Variants in DNAI7 observed in about 807,000 individuals in gnomAD.
DNAI7 encodes cancer susceptibility 1.
Under a neutral mutation model 86.6 loss-of-function variants are expected in DNAI7, and 78 were observed. The observed-to-expected ratio is 0.90, with a 90% CI of 0.75 to 1.09. DNAI7 has a LOEUF of 1.09. Ranked by LOEUF, DNAI7 falls within the 50% of genes least tolerant of loss-of-function variation. The pLI is 0.00. For synonymous variants in DNAI7, 274 were observed against 273.0 expected (o/e 1.00, Z -0.04); for missense variants, 753 against 810.2 (o/e 0.93, Z 0.86).
chr12:25,113,231 T>C (rs10842469), intron 13 of DNAI7, among the ~76,000 whole-genome samples: 82,043 of 152,070 alleles, frequency 0.54, 24,356 homozygotes, highest in East Asian at 0.89. Context: ...TGCACACTAA[T>C]AATTCTACGG....
At chr12:25,191,980 A>C (rs949875022) in intron 1 of DNAI7, among the ~76,000 whole-genome samples, 1 of 152,242 alleles carries the variant, frequency 6.6e-6, no homozygotes, top group African/African-American at 2.4e-5. Flanking sequence ...AGTTCAACCC[A>C]TAAGATTATA....
intron 11 of DNAI7, among the ~76,000 whole-genome samples, chr12:25,119,964 CTT>C (rs1171869107): frequency 6.6e-6 from 1 of 152,070 alleles, no homozygotes; most frequent in Non-Finnish European, 1.5e-5. Context: ...AGGAAAGCCT[CTT>C]TGTTGCAGGA....
intron 9 of DNAI7, 76 bp from the exon 10 acceptor site, chr12:25,123,362 C>A: frequency 2.1e-6 from 2 of 947,366 alleles, no homozygotes; most frequent in Non-Finnish European, 3.1e-6. Context: ...TGTTCCAGTC[C>A]TCACTTCAGA....
At chr12:25,150,497 G>A (rs769339704) in intron 6 of DNAI7, among the ~76,000 whole-genome samples, 3 of 151,212 alleles carry the variant, frequency 2.0e-5, no homozygotes, top group African/African-American at 4.9e-5. Context: ...CCAGCAACTC[G>A]GGAGGCTGAG....
intron 2 of DNAI7, among the ~76,000 whole-genome samples, chr12:25,181,106 C>A (rs1448851471): frequency 6.6e-6 from 1 of 152,074 alleles, no homozygotes; most frequent in Non-Finnish European, 1.5e-5. Context: ...TCGTGCCCGG[C>A]CTATAATTTT....
At chr12:25,108,014 T>G, downstream of DNAI7, 1 of 1,614,026 alleles carries the variant, frequency 6.2e-7, no homozygotes, top group South Asian at 1.1e-5. Flanking sequence ...GAACATATCT[T>G]GTGGCCATTT....
At chr12:25,182,347 C>CAAAAAAA (rs1172587693) in intron 2 of DNAI7, among the ~76,000 whole-genome samples, 5 of 63,250 alleles carry the variant, frequency 7.9e-5, no homozygotes, top group Admixed American at 5.0e-4. Flanking sequence ...AACTTCATCT[C>CAAAAAAA]AAAAAAAAAA....
chr12:25,108,396 T>A lies in DNAI7; in HGVS notation c.*152A>T. ...TTCAAAGGAAAAAAAAATACTGTTT[T>A]TAAAATAAAACTTGAGTAGAAAATG... On this transcript the variant is annotated 3_prime_UTR_variant, in exon 16 of 16. Coordinates refer to ENST00000395987, the MANE Select transcript of DNAI7 (RefSeq NM_018272.5). The A allele has an allele frequency of 1.4e-6, 1 of 696,866 alleles. No individual in the cohort carries two copies. Among genetic ancestry groups the A allele is most frequent in the East Asian group, 2.9e-5 (1 of 34,428 alleles). The allele number at this position is 696,866 out of a possible 1,614,324, so 43.2% of individuals were successfully genotyped here.
chr12:25,141,091 C>T (rs111707975), intron 9 of DNAI7, among the ~76,000 whole-genome samples: 6,344 of 152,172 alleles, frequency 0.042, 442 homozygotes, highest in African/African-American at 0.14. Flanking sequence ...AAATCTAAGA[C>T]CTGAAACCAT....
chr12:25,182,347 C>CAAAAA (rs1172587693), intron 2 of DNAI7, among the ~76,000 whole-genome samples: 2 of 63,252 alleles, frequency 3.2e-5, no homozygotes, highest in Non-Finnish European at 7.2e-5. Flanking sequence ...AACTTCATCT[C>CAAAAA]AAAAAAAAAA....
chr12:25,110,264 ATT>A (rs1949704772), intron 14 of DNAI7, 24 bp from the exon 15 acceptor site: 7 of 1,356,400 alleles, frequency 5.2e-6, no homozygotes, highest in Non-Finnish European at 7.4e-6. Context: ...AACAAATAGA[ATT>A]GATCTTTGAG....
Position 25,154,215 on chromosome 12 carries a change from A to G in DNAI7, c.438+104T>C, listed in dbSNP as rs369405066. The G allele has an allele frequency of 1.3e-4, 114 of 886,382 alleles. No homozygotes were observed. The East Asian group carries it at 3.0e-3, about 23-fold the overall frequency. The allele number at this position is 886,382 out of a possible 1,614,324, so 54.9% of individuals were successfully genotyped here. On this transcript the variant is annotated intron_variant, in intron 6 of 15. Transcript: ENST00000395987. ...TTACTTCTTTTGCTAAGGGTTCAAAAGCAGTAGTGTTATTACTTGGCAAAT... is the reference window on the plus strand; with the variant it reads ...TTACTTCTTTTGCTAAGGGTTCAAAGGCAGTAGTGTTATTACTTGGCAAAT...
intron 8 of DNAI7, among the ~76,000 whole-genome samples, chr12:25,146,410 A>T (rs563272065): frequency 2.6e-5 from 4 of 152,134 alleles, no homozygotes; most frequent in African/African-American, 9.6e-5. Flanking sequence ...TAACCTGACC[A>T]ACATGGTGAA....
intron 9 of DNAI7, among the ~76,000 whole-genome samples, chr12:25,136,209 A>G (rs1394389583): frequency 6.6e-6 from 1 of 152,230 alleles, no homozygotes; most frequent in East Asian, 1.9e-4. Context: ...CACAGTTGAG[A>G]GCCCTGAAGA....
intron 7 of DNAI7, 85 bp from the exon 8 acceptor site, chr12:25,147,189 T>C (rs775590092): frequency 1.4e-6 from 1 of 697,070 alleles, no homozygotes; most frequent in Non-Finnish European, 2.5e-6. Context: ...CACTTATGTG[T>C]TGGATTCCCT....
intron 8 of DNAI7, among the ~76,000 whole-genome samples, 154 bp downstream of exon 8, chr12:25,146,847 C>T (rs1292289011): frequency 1.3e-5 from 2 of 152,188 alleles, no homozygotes; most frequent in Admixed American, 6.5e-5. Flanking sequence ...AAGAAAATGG[C>T]GGGTTTCTGA....
At chr12:25,134,728 T>C (rs1454950259) in intron 9 of DNAI7, among the ~76,000 whole-genome samples, 1 of 152,162 alleles carries the variant, frequency 6.6e-6, no homozygotes, top group Non-Finnish European at 1.5e-5. Context: ...TAACCTAAAA[T>C]GGTTCAATGT....
At chr12:25,176,553 T>C (rs1290364272) in intron 2 of DNAI7, among the ~76,000 whole-genome samples, 1 of 152,048 alleles carries the variant, frequency 6.6e-6, no homozygotes, top group Non-Finnish European at 1.5e-5. Flanking sequence ...TTCAGATTAA[T>C]TCTATTTTTA....
chr12:25,134,864 GAGA>G (rs1240370361), intron 9 of DNAI7, among the ~76,000 whole-genome samples: 5 of 152,170 alleles, frequency 3.3e-5, no homozygotes, highest in Non-Finnish European at 5.9e-5. Flanking sequence ...GACAAATATT[GAGA>G]AGAAGATATA....
Sources: gnomAD v4.1 joint callset for allele counts (sites outside exome capture counted in the v4.1 genomes callset) on GRCh38, gnomAD v4.1.1 for gene constraint, MANE v1.5 for transcripts, NCBI Gene and HGNC (gene_info 2026-07-23, HGNC 2026-07-21) for gene names.